The following TGFBR3 variants were observed in gnomAD, a reference collection of about 807,000 sequenced individuals.
TGFBR3 encodes the protein transforming growth factor beta receptor type 3.
In TGFBR3, 46 loss-of-function variants were observed where a neutral mutation model predicts 87.9. The observed-to-expected ratio is 0.52, with a 90% CI of 0.41 to 0.67. TGFBR3 has a LOEUF of 0.67. Ranked by LOEUF, TGFBR3 falls within the 30% of genes least tolerant of loss-of-function variation. TGFBR3 has a pLI of 0.00. For missense variants in TGFBR3, 866 were observed against 1,041.9 expected (o/e 0.83, Z 2.32); for synonymous variants, 381 against 391.6 (o/e 0.97, Z 0.32).
In TGFBR3 at chr1:91,790,973, T is replaced by C. The variant is rs76461213; in HGVS notation, c.246+6314A>G. 2.1e-4 allele frequency among the ~76,000 whole-genome samples: 32 copies of C among 152,262 alleles called. No homozygotes were observed. The East Asian group carries it at 6.2e-3, about 29-fold the overall frequency. ...GGGAAAAAGAGAAAAGGTGTTCGTG[T>C]ATTAATATTGTGGAAATGGGGAAGG... On this transcript the variant is annotated intron_variant, in intron 3 of 16. Coordinates refer to ENST00000212355, the MANE Select transcript of TGFBR3 (RefSeq NM_003243.5).
intron 1 of TGFBR3, among the ~76,000 whole-genome samples, chr1:91,879,891 C>A (rs2101281540): frequency 6.6e-6 from 1 of 151,130 alleles, no homozygotes; most frequent in Non-Finnish European, 1.5e-5. Context: ...GGAAATGAAC[C>A]CAGATCCTTC....
chr1:91,730,728 T>C (rs1672737818), intron 5 of TGFBR3, among the ~76,000 whole-genome samples: 1 of 152,222 alleles, frequency 6.6e-6, no homozygotes, highest in Non-Finnish European at 1.5e-5. Context: ...TTCCCTCATA[T>C]GTATTCCTCA....
At chr1:91,724,641 C>A (rs1361770827) in intron 7 of TGFBR3, among the ~76,000 whole-genome samples, 1 of 152,214 alleles carries the variant, frequency 6.6e-6, no homozygotes, top group Non-Finnish European at 1.5e-5. Context: ...AGCAGCAAGG[C>A]TTGGGACAAT....
chr1:91,866,040 A>AT (rs1397341287), intron 1 of TGFBR3, among the ~76,000 whole-genome samples: 1 of 152,198 alleles, frequency 6.6e-6, no homozygotes, highest in East Asian at 1.9e-4. Context: ...TAAACTGAGC[A>AT]TACTGCCCCA....
chr1:91,850,217 G>A (rs1441203625), intron 2 of TGFBR3, among the ~76,000 whole-genome samples: 1 of 151,700 alleles, frequency 6.6e-6, no homozygotes, highest in African/African-American at 2.4e-5. Context: ...GGTACTTAAC[G>A]TTGACCAGAC....
At chr1:91,792,602 T>C (rs61781093) in intron 3 of TGFBR3, among the ~76,000 whole-genome samples, 13,894 of 152,230 alleles carry the variant, frequency 0.091, 792 homozygotes, top group Non-Finnish European at 0.13. Context: ...AATTAGATGA[T>C]AGGAAACAAA....
chr1:91,856,556 A>T (rs763765918), intron 2 of TGFBR3, among the ~76,000 whole-genome samples: 10 of 152,176 alleles, frequency 6.6e-5, no homozygotes, highest in South Asian at 4.1e-4. Flanking sequence ...GGCTCAATTT[A>T]CGTGCTCCCT....
At chr1:91,896,954 CT>C (rs536300648) in intron 2 of TGFBR3, among the ~76,000 whole-genome samples, 72 of 141,748 alleles carry the variant, frequency 5.1e-4, no homozygotes, top group African/African-American at 1.7e-3. Context: ...GTGTATATAT[CT>C]TTTTTAACTT....
rs560882195 is a variant in TGFBR3, at chr1:91,739,133, A to G, written c.385-4174T>C. Among the ~76,000 whole-genome samples the G allele has an allele frequency of 8.5e-5, 13 of 152,350 alleles. No individual in the cohort carries two copies. The South Asian group carries it at 2.5e-3, about 29-fold the overall frequency. ...CCCAGAGGAGACCAGTAGGCCCAAC[A>G]GGACCTTGTAGACCGTTGTAAGGAC... On this transcript the variant is annotated intron_variant, in intron 4 of 16. Coordinates refer to ENST00000212355, the MANE Select transcript of TGFBR3 (RefSeq NM_003243.5).
chr1:91,758,396 G>A (rs1439253660), intron 4 of TGFBR3, among the ~76,000 whole-genome samples: 1 of 152,146 alleles, frequency 6.6e-6, no homozygotes, highest in African/African-American at 2.4e-5. Flanking sequence ...CTAGACCCCA[G>A]CCTCTGCCCA....
chr1:91,760,810 A>T (rs907957445), intron 3 of TGFBR3, among the ~76,000 whole-genome samples: 2 of 152,236 alleles, frequency 1.3e-5, no homozygotes, highest in Admixed American at 6.5e-5. Context: ...AGAAATAAAC[A>T]GATTGATAGC....
chr1:91,831,871 G>T (rs567366127), intron 2 of TGFBR3, among the ~76,000 whole-genome samples: 54 of 152,256 alleles, frequency 3.5e-4, no homozygotes, highest in Non-Finnish European at 7.4e-4. Flanking sequence ...AGGGAAAAAA[G>T]CATGTTCAAA....
Position 91,720,286 on chromosome 1 carries a change from C to T in TGFBR3, c.1076-56G>A, listed in dbSNP as rs531950884. ...GTGTTTGATGCCAGGCCACAACCAA[C>T]ATCATTACAGGCAGAACAGGAGGAA... is the stretch of plus-strand genomic sequence containing the variant. On this transcript the variant is annotated intron_variant, in intron 8 of 16. Coordinates refer to ENST00000212355, the MANE Select transcript of TGFBR3 (RefSeq NM_003243.5). 318 of 1,485,696 alleles carry T rather than the reference C, an allele frequency of 2.1e-4. 2 individuals carry two copies. In the African/African-American group the frequency reaches 3.8e-3, roughly 18 times the overall value. The allele number at this position is 1,485,696 out of a possible 1,614,324, so 92.0% of individuals were successfully genotyped here. A position where few individuals can be genotyped will look rare whatever the true frequency, so the allele number is the denominator to read the frequency against.
chr1:91,683,690 T>G lies in TGFBR3; in HGVS notation c.*49A>C. 7.6e-5 allele frequency: 111 copies of G among 1,457,278 alleles called. No individual in the cohort carries two copies. Among genetic ancestry groups the G allele is most frequent in the Non-Finnish European group, 9.3e-5 (100 of 1,077,944 alleles). The allele number at this position is 1,457,278 out of a possible 1,614,324, so 90.3% of individuals were successfully genotyped here. On this transcript the variant is annotated 3_prime_UTR_variant, in exon 17 of 17. Coordinates refer to ENST00000212355, the MANE Select transcript of TGFBR3 (RefSeq NM_003243.5). ...CATTGGTCCTGCCCTTGGCAGTAGC[T>G]GAGCTGAGCTGGGCTGGGCTGGGTT...
chr1:91,696,330 G>A (rs1307721838), intron 15 of TGFBR3, among the ~76,000 whole-genome samples: 2 of 152,188 alleles, frequency 1.3e-5, no homozygotes, highest in African/African-American at 4.8e-5. Flanking sequence ...AACTATTCCT[G>A]TGGATTATAA....
intron 2 of TGFBR3, among the ~76,000 whole-genome samples, chr1:91,807,822 G>A (rs1675890507): frequency 6.6e-6 from 1 of 152,176 alleles, no homozygotes; most frequent in South Asian, 2.1e-4. Flanking sequence ...GGGAAATAGT[G>A]AACCAGGAGA....
At chr1:91,784,260 A>G (rs6683840) in intron 3 of TGFBR3, among the ~76,000 whole-genome samples, 78,857 of 152,004 alleles carry the variant, frequency 0.52, 21,354 homozygotes, top group African/African-American at 0.68. Context: ...TGAGGGGCCT[A>G]GGGACCAAAC....
intron 7 of TGFBR3, among the ~76,000 whole-genome samples, chr1:91,725,055 AG>A (rs1417904628): frequency 6.6e-6 from 1 of 152,168 alleles, no homozygotes; most frequent in African/African-American, 2.4e-5. Flanking sequence ...TATGTTTTAG[AG>A]GTTCTTCCTA....
At chr1:91,695,180 T>G (rs1305399555) in intron 16 of TGFBR3, among the ~76,000 whole-genome samples, 1 of 152,092 alleles carries the variant, frequency 6.6e-6, no homozygotes, top group East Asian at 1.9e-4. Context: ...CATGAAAATT[T>G]TATGTTTTAT....
Sources: gnomAD v4.1 joint callset for allele counts (sites outside exome capture counted in the v4.1 genomes callset) on GRCh38, gnomAD v4.1.1 for gene constraint, MANE v1.5 for transcripts, NCBI Gene and HGNC (gene_info 2026-07-23, HGNC 2026-07-21) for gene names.